The following PTPRG variants were observed in gnomAD, a reference collection of about 807,000 sequenced individuals.
PTPRG encodes the protein protein tyrosine phosphatase receptor type G, also known as receptor-type tyrosine-protein phosphatase gamma.
Under a neutral mutation model 165.3 loss-of-function variants are expected in PTPRG, and 102 were observed. That is an observed-to-expected ratio of 0.62 (90% CI 0.53 to 0.73). The LOEUF (loss-of-function observed/expected upper bound fraction) is 0.73. Among genes scored for constraint, PTPRG ranks in the 30% least tolerant of loss-of-function variants. The pLI, the probability that PTPRG is intolerant of heterozygous loss-of-function variation, is 0.00. For missense variants in PTPRG, 1,866 were observed against 1,861.4 expected (o/e 1.00, Z -0.05); for synonymous variants, 675 against 669.5 (o/e 1.01, Z -0.13).
At position 61,989,625 on chromosome 3, in the gene PTPRG, G is replaced by C; in HGVS notation, c.191G>C (p.Gly64Ala). The C allele has an allele frequency of 6.2e-7, 1 of 1,611,920 alleles. No individual in the cohort carries two copies. The highest frequency in any genetic ancestry group is 8.5e-7 in the Non-Finnish European group (1 of 1,179,298). Reference protein sequence around the residue: ...ASGDPYWAYSGAYGPEHWVTS... With the variant: ...ASGDPYWAYSAAYGPEHWVTS... ...TTGAAGTGTTGTCTTCTTTCAACAG[G>C]TGCCTATGGTCCTGAGCACTGGGTC... The change falls in exon 3 of 30, where the codon GGT becomes GCT. Residue 64 changes from glycine to alanine, a missense_variant and splice_region_variant. By Grantham distance (60) the Gly-to-Ala change is moderately conservative (BLOSUM62 0). Transcript: ENST00000474889.
rs74468641 is a variant in PTPRG, at chr3:62,202,213, C to T, written c.1377+659C>T. 1.9e-3 allele frequency among the ~76,000 whole-genome samples: 293 copies of T among 152,268 alleles called. 1 individual carries two copies. The highest frequency in any genetic ancestry group is 6.4e-3 in the African/African-American group (264 of 41,564). Reference sequence around the variant, plus strand: ...AGACTAATAGCTCAGAGCAGCACTTCTTGTTTTCCTAAGATACCTTATGTG... The same window carrying T: ...AGACTAATAGCTCAGAGCAGCACTTTTTGTTTTCCTAAGATACCTTATGTG... On this transcript the variant is annotated intron_variant, in intron 11 of 29. Transcript: ENST00000474889.
chr3:61,576,951 G>A (rs1700185269), intron 1 of PTPRG, among the ~76,000 whole-genome samples: 2 of 152,192 alleles, frequency 1.3e-5, no homozygotes, highest in Admixed American at 6.5e-5. Flanking sequence ...TTGTAGGAGT[G>A]TTTATATTCC....
At chr3:61,741,341 G>A (rs558379380) in intron 1 of PTPRG, among the ~76,000 whole-genome samples, 2 of 152,320 alleles carry the variant, frequency 1.3e-5, no homozygotes, top group East Asian at 3.9e-4. Context: ...TGTTTTGGCA[G>A]TATATCTGGG....
At chr3:61,805,609 T>C (rs761477787) in intron 2 of PTPRG, among the ~76,000 whole-genome samples, 7 of 151,996 alleles carry the variant, frequency 4.6e-5, no homozygotes, top group Non-Finnish European at 7.4e-5. Context: ...GAGGACTGTT[T>C]TCTGGGTTAG....
intron 9 of PTPRG, among the ~76,000 whole-genome samples, chr3:62,194,048 GGCAAA>G (rs1186550100): frequency 6.6e-6 from 1 of 152,144 alleles, no homozygotes; most frequent in Non-Finnish European, 1.5e-5. Flanking sequence ...ACAAGAGGTT[GGCAAA>G]CTTTTTTCTG....
intron 2 of PTPRG, among the ~76,000 whole-genome samples, chr3:61,785,007 G>A (rs2034652372): frequency 6.6e-6 from 1 of 152,142 alleles, no homozygotes; most frequent in South Asian, 2.1e-4. Context: ...GTCACTGTCT[G>A]TCATCATTAC....
At chr3:62,087,308 C>G (rs897848026) in intron 5 of PTPRG, among the ~76,000 whole-genome samples, 3 of 152,120 alleles carry the variant, frequency 2.0e-5, no homozygotes, top group African/African-American at 7.2e-5. Context: ...TTTGGTCTTC[C>G]TGGAATATGA....
chr3:61,934,309 G>A (rs182705142), intron 2 of PTPRG, among the ~76,000 whole-genome samples: 2 of 151,956 alleles, frequency 1.3e-5, no homozygotes, highest in Admixed American at 6.6e-5. Context: ...TCTGCAGAGT[G>A]GATTATATCC....
intron 2 of PTPRG, among the ~76,000 whole-genome samples, chr3:61,775,645 G>A (rs904163836): frequency 2.0e-5 from 3 of 151,958 alleles, no homozygotes; most frequent in African/African-American, 7.3e-5. Context: ...AAACACCAAA[G>A]GTCTTGGCTA....
At chr3:62,106,703 A>C (rs1702485778) in intron 5 of PTPRG, among the ~76,000 whole-genome samples, 2 of 152,258 alleles carry the variant, frequency 1.3e-5, no homozygotes, top group South Asian at 4.1e-4. Context: ...GGGTTTCACC[A>C]AGCCCTCTTG....
intron 2 of PTPRG, among the ~76,000 whole-genome samples, chr3:61,948,603 T>G (rs978307453): frequency 6.6e-6 from 1 of 152,132 alleles, no homozygotes; most frequent in Non-Finnish European, 1.5e-5. Flanking sequence ...GGTTGACGGA[T>G]TCTGTAGTGG....
chr3:62,034,701 T>A (rs1699886813), intron 4 of PTPRG, among the ~76,000 whole-genome samples: 1 of 152,266 alleles, frequency 6.6e-6, no homozygotes, highest in Admixed American at 6.5e-5. Context: ...TCAGCATCGC[T>A]CCACTCAAAA....
intron 2 of PTPRG, among the ~76,000 whole-genome samples, chr3:61,962,284 C>T (rs56333420): frequency 0.2 from 30,241 of 152,076 alleles, 3,326 homozygotes; most frequent in East Asian, 0.45. Flanking sequence ...AATTTTATTG[C>T]TTGAAGTATA....
intron 2 of PTPRG, among the ~76,000 whole-genome samples, chr3:61,952,144 CAG>C (rs1302758478): frequency 7.2e-6 from 1 of 139,336 alleles, no homozygotes; most frequent in Non-Finnish European, 1.5e-5. Context: ...AAAAAAAAGA[CAG>C]TATCAGAATC....
intron 4 of PTPRG, among the ~76,000 whole-genome samples, chr3:62,067,290 C>T (rs1168499867): frequency 6.7e-6 from 1 of 149,300 alleles, no homozygotes; most frequent in East Asian, 2.0e-4. Flanking sequence ...ACCTCCAAAG[C>T]GTGAGTAGGC....
chr3:61,905,448 C>G (rs1233181017), intron 2 of PTPRG, among the ~76,000 whole-genome samples: 1 of 152,088 alleles, frequency 6.6e-6, no homozygotes, highest in Non-Finnish European at 1.5e-5. Context: ...CTATCCAATT[C>G]TCAGGATTCT....
intron 2 of PTPRG, among the ~76,000 whole-genome samples, chr3:61,895,511 A>G (rs1054294584): frequency 8.5e-5 from 13 of 152,240 alleles, no homozygotes; most frequent in Admixed American, 8.5e-4. Context: ...CATGCTGTGC[A>G]TATAAATGTA....
intron 4 of PTPRG, among the ~76,000 whole-genome samples, chr3:62,015,358 G>A (rs915688903): frequency 2.0e-5 from 3 of 152,196 alleles, no homozygotes; most frequent in African/African-American, 7.2e-5. Flanking sequence ...TCAGCAGATA[G>A]GCAGTGTGAT....
intron 5 of PTPRG, among the ~76,000 whole-genome samples, chr3:62,095,457 A>T (rs1423304392): frequency 6.6e-6 from 1 of 152,182 alleles, no homozygotes; most frequent in East Asian, 1.9e-4. Flanking sequence ...GAAGAGTGTT[A>T]CTGTCTCAGC....
Sources: allele counts gnomAD v4.1 joint callset (sites outside exome capture counted in the v4.1 genomes callset), GRCh38; gene constraint gnomAD v4.1.1; transcripts MANE v1.5; gene names NCBI Gene and HGNC (gene_info 2026-07-23, HGNC 2026-07-21).